TRPC3: variants seen among roughly 807,000 people sequenced by gnomAD.
TRPC3 encodes short transient receptor potential channel 3.
A neutral mutation model predicts 90.9 loss-of-function variants in TRPC3; 54 were observed. The ratio of observed to expected loss-of-function variants is 0.59; its 90% CI spans 0.48 to 0.75. The LOEUF is 0.75. Among genes scored for constraint, TRPC3 ranks in the 30% least tolerant of loss-of-function variants. The probability of loss-of-function intolerance (pLI) is 0.00; values close to 1 mark genes in which losing one functional copy is unlikely to be tolerated. For synonymous variants in TRPC3, 424 were observed against 450.9 expected, an observed-to-expected ratio of 0.94 and a Z score of 0.75; for missense variants, 918 against 1,194.5, an observed-to-expected ratio of 0.77 and a Z score of 3.41.
rs2149101349 is a variant in TRPC3 at position 121,879,211 on chromosome 4, A to T, written c.*525T>A. 1 of 151,400 alleles carries T rather than the reference A, an allele frequency of 6.6e-6. No individual in the cohort carries two copies. Among genetic ancestry groups the T allele is most frequent in the South Asian group, 2.1e-4 (1 of 4,812 alleles). 9.4% of individuals were successfully genotyped at this position (151,400 alleles called of 1,614,324 possible). On this transcript the variant is annotated 3_prime_UTR_variant, in exon 12 of 12. Coordinates refer to ENST00000379645, the MANE Select transcript of TRPC3 (RefSeq NM_001130698.2). The stretch of plus-strand genomic sequence containing the variant: ...GTCTTACCAAGTCATAGCTGGTTGT[A>T]AAATGTCTTCAGTTTCTATTAAAAA...
Position 121,951,961 on chromosome 4 carries a change from T to TGCTGGGAGAGGCTCTCCA in TRPC3, c.-299_-282dup, listed in dbSNP as rs1313548253. 6.6e-6 allele frequency among the ~76,000 whole-genome samples: 1 copy of TGCTGGGAGAGGCTCTCCA among 150,876 alleles called. No homozygotes were observed. Among genetic ancestry groups the TGCTGGGAGAGGCTCTCCA allele is most frequent in the African/African-American group, 2.4e-5 (1 of 40,986 alleles). ...AGCCCGGGGCCGAGCGGGGCTCTGGTGCTGGGAGAGGCTCTCCAGCCCCGC... is the reference window on the plus strand; with the variant it reads ...AGCCCGGGGCCGAGCGGGGCTCTGGTGCTGGGAGAGGCTCTCCAGCTGGGAGAGGCTCTCCAGCCCCGC... On this transcript the variant is annotated 5_prime_UTR_variant, in exon 1 of 12. Coordinates refer to ENST00000379645, the MANE Select transcript of TRPC3 (RefSeq NM_001130698.2). The surrounding 1 kb of genome is among the most constrained non-coding windows in gnomAD (Gnocchi z 4.4).
intron 10 of TRPC3, among the ~76,000 whole-genome samples, chr4:121,887,491 T>C (rs1728165592): frequency 6.6e-6 from 1 of 152,208 alleles, no homozygotes; most frequent in Non-Finnish European, 1.5e-5. Flanking sequence ...CAGGAACATC[T>C]CATTTTGCCC....
chr4:121,921,108 C>T (rs1456624830), intron 3 of TRPC3, among the ~76,000 whole-genome samples: 1 of 152,126 alleles, frequency 6.6e-6, no homozygotes, highest in Non-Finnish European at 1.5e-5. Flanking sequence ...TTCTGTAAGG[C>T]CTGTGTTGAA....
intron 1 of TRPC3, among the ~76,000 whole-genome samples, chr4:121,949,513 A>T (rs1578664751): frequency 6.6e-6 from 1 of 152,280 alleles, no homozygotes; most frequent in East Asian, 1.9e-4. Context: ...ACTTTTAAAC[A>T]ACAATAAATA....
At chr4:121,894,283 G>T (rs1728434273) in intron 10 of TRPC3, among the ~76,000 whole-genome samples, 1 of 151,980 alleles carries the variant, frequency 6.6e-6, no homozygotes, top group Admixed American at 6.6e-5. Context: ...ATAATAAGGG[G>T]ATCAGCTCAG....
chr4:121,902,827 G>C (rs1271098486), intron 9 of TRPC3, 25 bp downstream of exon 9: 1 of 1,506,834 alleles, frequency 6.6e-7, no homozygotes, highest in Admixed American at 2.1e-5. Context: ...TTATTTTAAG[G>C]TCTTGGTAAG....
At chr4:121,922,519 C>T (rs1729557284) in intron 3 of TRPC3, among the ~76,000 whole-genome samples, 1 of 152,188 alleles carries the variant, frequency 6.6e-6, no homozygotes, top group Admixed American at 6.5e-5. Context: ...CAATTTATTA[C>T]TAACGACACC....
chr4:121,911,849 AT>A (rs1458921421), intron 5 of TRPC3, 27 bp downstream of exon 5: 1 of 1,572,522 alleles, frequency 6.4e-7, no homozygotes, highest in South Asian at 1.2e-5. Flanking sequence ...TTTGGTAGAA[AT>A]TAGGATATTT....
chr4:121,890,513 T>C (rs1444997352), intron 10 of TRPC3, among the ~76,000 whole-genome samples: 2 of 151,740 alleles, frequency 1.3e-5, no homozygotes, highest in East Asian at 1.9e-4. Flanking sequence ...AAAATAGAAA[T>C]GGATGAAAAA....
chr4:121,880,958 CAAA>C (rs111796135), intron 11 of TRPC3, among the ~76,000 whole-genome samples: 7 of 128,274 alleles, frequency 5.5e-5, no homozygotes, highest in South Asian at 2.5e-4. Flanking sequence ...CCTTTTGTGG[CAAA>C]AAAAAAAAAA....
chr4:121,905,121 A>G (rs1275346467), intron 7 of TRPC3, among the ~76,000 whole-genome samples: 1 of 152,124 alleles, frequency 6.6e-6, no homozygotes, highest in Non-Finnish European at 1.5e-5. Context: ...GATACAGTAA[A>G]TGAAAAAATA....
At chr4:121,885,491 C>T (rs1728084131) in intron 10 of TRPC3, among the ~76,000 whole-genome samples, 1 of 152,084 alleles carries the variant, frequency 6.6e-6, no homozygotes, top group African/African-American at 2.4e-5. Context: ...GCTCTGGAAC[C>T]TTGGTATCTT....
intron 2 of TRPC3, among the ~76,000 whole-genome samples, chr4:121,930,373 C>A (rs998462456): frequency 6.6e-6 from 1 of 152,102 alleles, no homozygotes; most frequent in African/African-American, 2.4e-5. Context: ...ACTGTGTTTT[C>A]TCTCTTTTTG....
At position 121,951,687 on chromosome 4, in the gene TRPC3, G is replaced by C. The variant is rs1024771952; in HGVS notation, c.-7C>G. ...TCCTGACCTTGGTGGACATCGCGCC[G>C]GCTGCGGTCCGAGTGTGGGGGTGCC... On this transcript the variant is annotated 5_prime_UTR_variant, in exon 1 of 12. Transcript: ENST00000379645. This position sits in a 1 kb window ranked among gnomAD's most constrained non-coding sequence, Gnocchi z 4.4. 90 of 1,315,810 alleles carry C rather than the reference G, an allele frequency of 6.8e-5. No homozygotes were observed. The highest frequency in any genetic ancestry group is 1.1e-4 in the Admixed American group (3 of 26,400). 81.5% of individuals were successfully genotyped at this position (1,315,810 alleles called of 1,614,324 possible). A position where few individuals can be genotyped will look rare whatever the true frequency, so the allele number is the denominator to read the frequency against.
At chr4:121,931,209 T>A (rs1032305559) in intron 2 of TRPC3, among the ~76,000 whole-genome samples, 3 of 152,204 alleles carry the variant, frequency 2.0e-5, no homozygotes, top group African/African-American at 7.2e-5. Context: ...TCTCACTAAC[T>A]ATAAAAACCA....
At chr4:121,940,599 C>T (rs181033987) in intron 1 of TRPC3, among the ~76,000 whole-genome samples, 4 of 152,320 alleles carry the variant, frequency 2.6e-5, no homozygotes, top group Admixed American at 6.5e-5. Flanking sequence ...GTTTACATTA[C>T]ACTTCTGTAT....
rs1727799104 is a variant in TRPC3 at position 121,877,608 on chromosome 4, T to C, written c.*2128A>G. 6.6e-6 allele frequency among the ~76,000 whole-genome samples: 1 copy of C among 151,966 alleles called. No individual in the cohort carries two copies. Among genetic ancestry groups the C allele is most frequent in the African/African-American group, 2.4e-5 (1 of 41,334 alleles). ...CAGTAGAGGGCATCTGGGCAGGGCA[T>C]CAAAAACATCAACCACACTCACTAC... On this transcript the variant is annotated 3_prime_UTR_variant, in exon 12 of 12. Transcript: ENST00000379645.
intron 1 of TRPC3, among the ~76,000 whole-genome samples, chr4:121,948,416 C>G (rs535943073): frequency 6.6e-6 from 1 of 151,324 alleles, no homozygotes; most frequent in African/African-American, 2.4e-5. Flanking sequence ...CAACACTACA[C>G]TATTACAGAG....
chr4:121,951,622 T>G lies in TRPC3; in HGVS notation c.59A>C (p.Glu20Ala). The change falls in exon 1 of 12, where the codon GAG becomes GCG. Residue 20 changes from glutamate (E) to alanine (A), a missense_variant. By Grantham distance (107) the Glu-to-Ala change is moderately radical. Transcript: ENST00000379645. This position sits in a 1 kb window ranked among gnomAD's most constrained non-coding sequence, Gnocchi z 4.4. ...EQARVTFPAPEEEEDEGEDEG... is the reference protein window; with the variant it reads ...EQARVTFPAPAEEEDEGEDEG... ...GTCCTCGCCCTCGTCTTCCTCCTCC[T>G]CCGGCGCCGGGAAGGTCACCCTTGC... The G allele has an allele frequency of 7.0e-7, 1 of 1,433,332 alleles. No individual in the cohort carries two copies. The highest frequency in any genetic ancestry group is 3.1e-5 in the East Asian group (1 of 32,760). The allele number at this position is 1,433,332 out of a possible 1,614,324, so 88.8% of individuals were successfully genotyped here. A position where few individuals can be genotyped will look rare whatever the true frequency, so the allele number is the denominator to read the frequency against.
Sources: gnomAD v4.1 joint callset for allele counts (sites outside exome capture counted in the v4.1 genomes callset) on GRCh38, gnomAD v4.1.1 for gene constraint, Gnocchi (gnomAD v3.1) non-coding constraint, MANE v1.5 for transcripts, NCBI Gene and HGNC (gene_info 2026-07-23, HGNC 2026-07-21) for gene names.